CAP2: variants seen among roughly 807,000 people sequenced by gnomAD.
CAP2 encodes cyclase associated actin cytoskeleton regulatory protein 2, also known as adenylyl cyclase-associated protein 2.
A neutral mutation model predicts 57.7 loss-of-function variants in CAP2; 24 were observed. The observed-to-expected ratio is 0.42, with a 90% CI of 0.30 to 0.58. CAP2 has a LOEUF of 0.58. CAP2 is among the 20% of genes least tolerant of loss of function. The probability of loss-of-function intolerance (pLI) is 0.22; values close to 1 mark genes in which losing one functional copy is unlikely to be tolerated. For missense variants in CAP2, 501 were observed against 590.3 expected (o/e 0.85, Z 1.57); for synonymous variants, 194 against 207.2 (o/e 0.94, Z 0.55).
chr6:17,497,353 G>A (rs1761693901), intron 4 of CAP2, among the ~76,000 whole-genome samples: 1 of 152,216 alleles, frequency 6.6e-6, no homozygotes, highest in Non-Finnish European at 1.5e-5. Flanking sequence ...TCAGAAGCCA[G>A]ATGATACCTC....
At chr6:17,400,065 A>C (rs1384212485) in intron 1 of CAP2, among the ~76,000 whole-genome samples, 2 of 73,794 alleles carry the variant, frequency 2.7e-5, no homozygotes, top group Admixed American at 2.5e-4. Flanking sequence ...TTAAAAATAC[A>C]AAAAAAAAAA....
intron 3 of CAP2, among the ~76,000 whole-genome samples, chr6:17,435,834 A>G (rs1356035375): frequency 6.6e-6 from 1 of 151,060 alleles, no homozygotes; most frequent in East Asian, 1.9e-4. Context: ...GTAGTTTATC[A>G]CAGTTTATTT....
At chr6:17,474,621 C>G (rs980556586) in intron 4 of CAP2, among the ~76,000 whole-genome samples, 1 of 152,108 alleles carries the variant, frequency 6.6e-6, no homozygotes, top group Admixed American at 6.6e-5. Context: ...AAAATAAGGT[C>G]GGGATGATGT....
intron 3 of CAP2, among the ~76,000 whole-genome samples, chr6:17,435,808 C>G (rs1465463913): frequency 6.8e-6 from 1 of 147,736 alleles, no homozygotes; most frequent in Non-Finnish European, 1.5e-5. Flanking sequence ...TTTACGGCTT[C>G]AAAATACTCC....
chr6:17,489,287 C>T (rs1013183382), intron 4 of CAP2, among the ~76,000 whole-genome samples: 4 of 152,076 alleles, frequency 2.6e-5, no homozygotes, highest in African/African-American at 7.2e-5. Context: ...CAAAAATAAG[C>T]CGGGTGTGGT....
At chr6:17,481,250 G>A (rs1581556220) in intron 4 of CAP2, among the ~76,000 whole-genome samples, 1 of 151,980 alleles carries the variant, frequency 6.6e-6, no homozygotes. Context: ...TATTGTAGTC[G>A]TTCTTGCTTT....
chr6:17,456,012 T>C (rs1230318886), intron 3 of CAP2, among the ~76,000 whole-genome samples: 1 of 152,214 alleles, frequency 6.6e-6, no homozygotes, highest in Non-Finnish European at 1.5e-5. Context: ...AGCTGTTTTG[T>C]TAATTCATCT....
chr6:17,506,811 G>A (rs1761998066), intron 4 of CAP2, among the ~76,000 whole-genome samples: 1 of 152,082 alleles, frequency 6.6e-6, no homozygotes, highest in Non-Finnish European at 1.5e-5. Context: ...CAGGATTATT[G>A]CAGTGTGTGA....
intron 7 of CAP2, among the ~76,000 whole-genome samples, chr6:17,537,767 G>A (rs554725744): frequency 3.3e-4 from 50 of 152,102 alleles, no homozygotes; most frequent in Non-Finnish European, 6.6e-4. Flanking sequence ...CTACTTGAGG[G>A]TTCAAAAGTA....
rs550778491 is a variant in CAP2, at chr6:17,406,454, T to G, written c.-2+12708T>G. ...TGTCGCCCAGGCTGGAGTGCAAGGG[T>G]GCAATCTCGGCTCACTGCAACCTCC... On this transcript the variant is annotated intron_variant, in intron 1 of 12. Coordinates refer to ENST00000229922, the MANE Select transcript of CAP2 (RefSeq NM_006366.3). Among the ~76,000 whole-genome samples the G allele has an allele frequency of 3.1e-3, 441 of 144,094 alleles. 1 individual carries two copies. Among genetic ancestry groups the G allele is most frequent in the Middle Eastern group, 7.6e-3 (2 of 264 alleles). 94.5% of individuals were successfully genotyped at this position (144,094 alleles called of 152,430 possible). A position where few individuals can be genotyped will look rare whatever the true frequency, so the allele number is the denominator to read the frequency against.
chr6:17,534,108 G>A (rs1762714398), intron 7 of CAP2, among the ~76,000 whole-genome samples: 1 of 152,128 alleles, frequency 6.6e-6, no homozygotes, highest in Non-Finnish European at 1.5e-5. Context: ...CTGTCCATGT[G>A]GCTTTGTGCA....
chr6:17,448,481 T>C (rs911897304), intron 3 of CAP2, among the ~76,000 whole-genome samples: 5 of 152,254 alleles, frequency 3.3e-5, no homozygotes, highest in African/African-American at 7.2e-5. Flanking sequence ...ACAATATTCA[T>C]GCCTGTCAGA....
At chr6:17,526,070 C>T (rs1421978881) in intron 7 of CAP2, among the ~76,000 whole-genome samples, 6 of 151,452 alleles carry the variant, frequency 4.0e-5, no homozygotes, top group Non-Finnish European at 8.8e-5. Flanking sequence ...AAGCGTTAGT[C>T]CATTAACTAT....
At chr6:17,518,100 T>C (rs1306053821) in intron 7 of CAP2, among the ~76,000 whole-genome samples, 10 of 152,110 alleles carry the variant, frequency 6.6e-5, no homozygotes, top group Non-Finnish European at 1.2e-4. Context: ...TTCACTTCTC[T>C]AATGGAAGAG....
chr6:17,543,813 A>G (rs976035386), intron 11 of CAP2, among the ~76,000 whole-genome samples: 2 of 151,716 alleles, frequency 1.3e-5, no homozygotes, highest in Admixed American at 1.3e-4. Flanking sequence ...CATTACTGGC[A>G]TACCATCTCA....
intron 1 of CAP2, among the ~76,000 whole-genome samples, chr6:17,417,651 C>G (rs746300835): frequency 1.3e-5 from 2 of 152,182 alleles, no homozygotes; most frequent in Non-Finnish European, 2.9e-5. Flanking sequence ...CACACTCACA[C>G]TCTGGTCAGG....
intron 4 of CAP2, among the ~76,000 whole-genome samples, chr6:17,467,818 C>T (rs1377102243): frequency 2.6e-5 from 4 of 152,118 alleles, no homozygotes; most frequent in South Asian, 4.1e-4. Flanking sequence ...CCACAGCACC[C>T]GGCCTACTCT....
intron 7 of CAP2, among the ~76,000 whole-genome samples, chr6:17,516,123 C>A (rs1762271137): frequency 1.3e-5 from 2 of 152,220 alleles, no homozygotes; most frequent in South Asian, 4.1e-4. Flanking sequence ...AAGAAACTTC[C>A]ATTGATCTCC....
chr6:17,539,936 G>T (rs1406628885), intron 8 of CAP2, among the ~76,000 whole-genome samples: 1 of 152,138 alleles, frequency 6.6e-6, no homozygotes, highest in Non-Finnish European at 1.5e-5. Flanking sequence ...ACAGAAATTA[G>T]CTGGGCATTG....
Sources: allele counts gnomAD v4.1 joint callset (sites outside exome capture counted in the v4.1 genomes callset), GRCh38; gene constraint gnomAD v4.1.1; transcripts MANE v1.5; gene names NCBI Gene and HGNC (gene_info 2026-07-23, HGNC 2026-07-21).